The following APBA1 variants were observed in gnomAD, a reference collection of about 807,000 sequenced individuals.
The protein encoded by APBA1 is amyloid beta precursor protein binding family A member 1, also known as amyloid-beta A4 precursor protein-binding family A member 1.
A neutral mutation model predicts 86.6 loss-of-function variants in APBA1; 55 were observed. That is an observed-to-expected ratio of 0.64 (90% CI 0.51 to 0.80). The LOEUF (loss-of-function observed/expected upper bound fraction) is 0.80. Among genes scored for constraint, APBA1 ranks in the 30% least tolerant of loss-of-function variants. APBA1 has a pLI of 0.00. For missense variants in APBA1, 1,090 were observed against 1,183.0 expected (o/e 0.92, Z 1.15); for synonymous variants, 511 against 493.9 (o/e 1.03, Z -0.46).
intron 1 of APBA1, among the ~76,000 whole-genome samples, chr9:69,635,940 C>T (rs1823148019): frequency 6.6e-6 from 1 of 152,046 alleles, no homozygotes; most frequent in Non-Finnish European, 1.5e-5. Flanking sequence ...AGCTTCTGTA[C>T]AGCAAAGGCA....
rs182619957 is a variant in APBA1, at chr9:69,457,158, C to T, written c.1516-19G>A. The stretch of plus-strand genomic sequence containing the variant: ...CAGGAGCCTGAGAAGAAAAAATGCA[C>T]CAAGAGAAAGTTTGACCACACTACC... On this transcript the variant is annotated intron_variant, in intron 6 of 12. Transcript: ENST00000265381. 3.7e-6 allele frequency: 6 copies of T among 1,608,100 alleles called. No individual in the cohort carries two copies. The East Asian group carries it at 1.3e-4, about 36-fold the overall frequency.
rs144687402 is a variant in APBA1 at position 69,441,031 on chromosome 9, G to A, written c.2266C>T (p.Arg756Cys). 46 of 1,613,952 alleles carry A rather than the reference G, an allele frequency of 2.9e-5. No individual in the cohort carries two copies. Among genetic ancestry groups the A allele is most frequent in the Middle Eastern group, 3.3e-4 (2 of 6,084 alleles). Residue 756 changes from arginine to cysteine, a missense_variant, in exon 11 of 13, where the codon CGC (arginine) becomes TGC (cysteine). By Grantham distance (180) the Arg-to-Cys change is radical. Coordinates refer to ENST00000265381, the MANE Select transcript of APBA1 (RefSeq NM_001163.4). ...TGGACGCTGAAACCGAGCTGGTAGCGAAGGTCTGGTCTTCTGATTAACACG... is the reference window on the plus strand; with the variant it reads ...TGGACGCTGAAACCGAGCTGGTAGCAAAGGTCTGGTCTTCTGATTAACACG... ...TTVLIRRPDLRYQLGFSVQNG... is the reference protein window; with the variant it reads ...TTVLIRRPDLCYQLGFSVQNG...
At chr9:69,527,651 T>C (rs1490132465) in intron 1 of APBA1, among the ~76,000 whole-genome samples, 5 of 152,098 alleles carry the variant, frequency 3.3e-5, no homozygotes, top group Admixed American at 6.6e-5. Context: ...AGTGATACAA[T>C]TGATTTTTTT....
rs527650490 is a variant in APBA1, at chr9:69,465,976, T to C, written c.1482+1847A>G. On this transcript the variant is annotated intron_variant, in intron 5 of 12. Transcript: ENST00000265381. Reference sequence around the variant, plus strand: ...CTGTCAGTAATCCTGACACTAGGTCTGGCCTAGCAGGGTTGTGACAACAGT... The same window carrying C: ...CTGTCAGTAATCCTGACACTAGGTCCGGCCTAGCAGGGTTGTGACAACAGT... Among the ~76,000 whole-genome samples, 15 of 152,318 alleles carry C rather than the reference T, an allele frequency of 9.8e-5. No homozygotes were observed. In the South Asian group the frequency reaches 3.1e-3, roughly 32 times the overall value.
chr9:69,628,966 T>C (rs1822985237), intron 1 of APBA1, among the ~76,000 whole-genome samples: 1 of 152,198 alleles, frequency 6.6e-6, no homozygotes, highest in African/African-American at 2.4e-5. Context: ...TAATCTCCTC[T>C]TATATTAACC....
chr9:69,562,751 T>A (rs949044188), intron 1 of APBA1, among the ~76,000 whole-genome samples: 1 of 152,176 alleles, frequency 6.6e-6, no homozygotes, highest in Non-Finnish European at 1.5e-5. Context: ...AACAATACAT[T>A]ATGTATGGTT....
chr9:69,557,876 A>G (rs1303710708), intron 1 of APBA1, among the ~76,000 whole-genome samples: 1 of 152,144 alleles, frequency 6.6e-6, no homozygotes, highest in Non-Finnish European at 1.5e-5. Flanking sequence ...TGATGTATGT[A>G]TGTTGTGCTT....
chr9:69,519,356 C>T, intron 1 of APBA1, among the ~76,000 whole-genome samples: 1 of 152,218 alleles, frequency 6.6e-6, no homozygotes, highest in Non-Finnish European at 1.5e-5. Flanking sequence ...GTTGGGGACC[C>T]CTGCTCTAAA....
At chr9:69,589,398 T>C (rs1285328637) in intron 1 of APBA1, among the ~76,000 whole-genome samples, 1 of 152,216 alleles carries the variant, frequency 6.6e-6, no homozygotes, top group Non-Finnish European at 1.5e-5. Flanking sequence ...GCATCCACTC[T>C]AATTCTTCTT....
At chr9:69,520,246 G>A (rs1039397426) in intron 1 of APBA1, among the ~76,000 whole-genome samples, 9 of 152,166 alleles carry the variant, frequency 5.9e-5, no homozygotes, top group African/African-American at 1.9e-4. Flanking sequence ...TTCTCCATAC[G>A]CTGGCAACTT....
intron 1 of APBA1, among the ~76,000 whole-genome samples, chr9:69,562,103 T>C (rs1836955551): frequency 6.6e-6 from 1 of 152,178 alleles, no homozygotes. Flanking sequence ...GTAGGCCTAA[T>C]AATATTTTCC....
Position 69,558,220 on chromosome 9 carries a change from A to G in APBA1, c.-69-40941T>C, listed in dbSNP as rs188180215. Among the ~76,000 whole-genome samples, 119 of 151,746 alleles carry G rather than the reference A, an allele frequency of 7.8e-4. 1 individual carries two copies. The highest frequency in any genetic ancestry group is 2.3e-3 in the South Asian group (11 of 4,780). ...CTGTCTTCCTGATTTATCTTTTTCTACCCCTTTGCTTTGTGTTATTTGGCT... is the reference window on the plus strand; with the variant it reads ...CTGTCTTCCTGATTTATCTTTTTCTGCCCCTTTGCTTTGTGTTATTTGGCT... On this transcript the variant is annotated intron_variant, in intron 1 of 12. Transcript: ENST00000265381.
chr9:69,594,652 C>A (rs1386646924), intron 1 of APBA1, among the ~76,000 whole-genome samples: 1 of 151,976 alleles, frequency 6.6e-6, no homozygotes, highest in African/African-American at 2.4e-5. Flanking sequence ...ATAGAAATAA[C>A]CTGATTGAGG....
intron 10 of APBA1, among the ~76,000 whole-genome samples, chr9:69,445,335 C>T (rs567107878): frequency 6.6e-6 from 1 of 152,292 alleles, no homozygotes; most frequent in South Asian, 2.1e-4. Flanking sequence ...ATTTGCTCTG[C>T]TGTTCCTAAT....
Position 69,516,443 on chromosome 9 carries a change from C to A in APBA1, c.768G>T (p.Ala256=). Residue 256 remains alanine, a synonymous_variant, in exon 2 of 13, where the codon GCG becomes GCT. Coordinates refer to ENST00000265381, the MANE Select transcript of APBA1 (RefSeq NM_001163.4). This position sits in a 1 kb window ranked among gnomAD's most constrained non-coding sequence, Gnocchi z 7.3. ...SDSPEKEAEF[A]PYPRMDSYEQ... ...CGTAGCTGTCCATGCGCGGGTAGGG[C>A]GCGAACTCGGCCTCCTTCTCGGGGC... 6.2e-7 allele frequency: 1 copy of A among 1,604,176 alleles called. No homozygotes were observed. The highest frequency in any genetic ancestry group is 8.5e-7 in the Non-Finnish European group (1 of 1,178,692).
intron 1 of APBA1, among the ~76,000 whole-genome samples, chr9:69,666,852 T>C (rs182978273): frequency 6.9e-4 from 105 of 152,322 alleles, no homozygotes; most frequent in African/African-American, 2.5e-3. Flanking sequence ...TCGATGTCCA[T>C]TGTGTAAGAA....
intron 1 of APBA1, among the ~76,000 whole-genome samples, chr9:69,567,848 C>G (rs563809692): frequency 6.6e-6 from 1 of 152,226 alleles, no homozygotes; most frequent in East Asian, 1.9e-4. Flanking sequence ...TTGAGCATCT[C>G]TGCCTCCAAG....
intron 1 of APBA1, among the ~76,000 whole-genome samples, chr9:69,583,955 GTC>G (rs1821968110): frequency 6.6e-6 from 1 of 152,238 alleles, no homozygotes; most frequent in Non-Finnish European, 1.5e-5. Flanking sequence ...TTAGCACAGT[GTC>G]CAGCACATAG....
At chr9:69,589,551 G>C (rs1234123203) in intron 1 of APBA1, among the ~76,000 whole-genome samples, 1 of 152,154 alleles carries the variant, frequency 6.6e-6, no homozygotes, top group Non-Finnish European at 1.5e-5. Flanking sequence ...AAACAAGGAA[G>C]GGTGGGGGTC....
Sources: allele counts gnomAD v4.1 joint callset (sites outside exome capture counted in the v4.1 genomes callset), GRCh38; gene constraint gnomAD v4.1.1; non-coding constraint Gnocchi (gnomAD v3.1); transcripts MANE v1.5; gene names NCBI Gene and HGNC (gene_info 2026-07-23, HGNC 2026-07-21).